Variants in OPHN1 observed in about 807,000 individuals in gnomAD.
OPHN1 encodes oligophrenin 1, also known as oligophrenin-1.
Under a neutral mutation model 60.7 loss-of-function variants are expected in OPHN1, and 11 were observed. The ratio of observed to expected loss-of-function variants is 0.18; its 90% CI spans 0.11 to 0.30. OPHN1 has a LOEUF of 0.30. Ranked by LOEUF, OPHN1 falls within the 10% of genes least tolerant of loss-of-function variation. The pLI is 1.00. For missense variants in OPHN1, 449 were observed against 611.0 expected (o/e 0.73, Z 2.80); for synonymous variants, 226 against 222.6 (o/e 1.02, Z -0.14).
intron 19 of OPHN1, among the ~76,000 whole-genome samples, chrX:68,082,994 C>A (rs1353640662): frequency 9.8e-6 from 1 of 101,740 alleles, no homozygotes; most frequent in Non-Finnish European, 2.0e-5. Context: ...TCACCTTGCA[C>A]TTTTATGTCA....
intron 15 of OPHN1, among the ~76,000 whole-genome samples, chrX:68,176,588 A>G (rs957773938): frequency 1.8e-5 from 2 of 111,870 alleles, no homozygotes; most frequent in African/African-American, 6.5e-5. Flanking sequence ...TGTTGGTGGC[A>G]ATGTGAAATG....
chrX:68,136,760 A>C (rs2077222461), intron 15 of OPHN1, among the ~76,000 whole-genome samples: 1 of 112,316 alleles, frequency 8.9e-6, no homozygotes, highest in Non-Finnish European at 1.9e-5. Context: ...CAAAGTGCTT[A>C]TTATAAACCA....
chrX:68,345,920 A>G (rs888644233), intron 2 of OPHN1, among the ~76,000 whole-genome samples: 2 of 112,219 alleles, frequency 1.8e-5, no homozygotes. Flanking sequence ...TGAGTCCAGG[A>G]GTTTGAGACC....
At chrX:68,186,445 T>C (rs753634852) in intron 15 of OPHN1, among the ~76,000 whole-genome samples, 1 of 107,185 alleles carries the variant, frequency 9.3e-6, no homozygotes, top group Non-Finnish European at 1.9e-5. Context: ...AAACTGGCTC[T>C]GGGATACAGC....
chrX:68,087,674 G>T (rs1218559619), intron 19 of OPHN1, among the ~76,000 whole-genome samples: 2 of 111,800 alleles, frequency 1.8e-5, no homozygotes, highest in Non-Finnish European at 3.8e-5. Flanking sequence ...ATATCAGATT[G>T]TACAAAAAAA....
intron 6 of OPHN1, among the ~76,000 whole-genome samples, chrX:68,220,737 C>T (rs1490842874): frequency 4.7e-5 from 4 of 85,071 alleles, no homozygotes; most frequent in Non-Finnish European, 7.1e-5. Context: ...AACAACCCTT[C>T]ATGCTAAAAA....
intron 21 of OPHN1, among the ~76,000 whole-genome samples, chrX:68,056,167 T>C (rs1253197967): frequency 9.0e-6 from 1 of 111,443 alleles, no homozygotes; most frequent in Non-Finnish European, 1.9e-5. Flanking sequence ...AGATGACCTA[T>C]AGACAATGCC....
At chrX:68,114,247 T>G (rs1056447622) in intron 16 of OPHN1, among the ~76,000 whole-genome samples, 3 of 111,337 alleles carry the variant, frequency 2.7e-5, no homozygotes, top group Non-Finnish European at 5.7e-5. Flanking sequence ...TTACATGTAT[T>G]AACCCATTTA....
intron 6 of OPHN1, among the ~76,000 whole-genome samples, chrX:68,217,285 C>T (rs1428583350): frequency 1.8e-5 from 2 of 112,074 alleles, no homozygotes; most frequent in Non-Finnish European, 3.8e-5. Context: ...CCTACGCCCA[C>T]GCAGTCTCGC....
intron 2 of OPHN1, among the ~76,000 whole-genome samples, chrX:68,386,748 G>A (rs758502691): frequency 7.1e-5 from 8 of 112,170 alleles, no homozygotes; most frequent in Middle Eastern, 4.6e-3. Context: ...ACTAATATCC[G>A]TATTTGGCTC....
chrX:68,394,407 C>T (rs1224937090), intron 2 of OPHN1, among the ~76,000 whole-genome samples: 1 of 111,554 alleles, frequency 9.0e-6, no homozygotes, highest in Non-Finnish European at 1.9e-5. Context: ...AATTACTCTC[C>T]ATTGACTAAT....
At chrX:68,322,162 G>C (rs1406828730) in intron 2 of OPHN1, among the ~76,000 whole-genome samples, 1 of 109,472 alleles carries the variant, frequency 9.1e-6, no homozygotes, top group Non-Finnish European at 1.9e-5. Flanking sequence ...TGTAGAGATG[G>C]GGTTTCGCCA....
intron 2 of OPHN1, among the ~76,000 whole-genome samples, chrX:68,357,587 A>C (rs61521690): frequency 0.011 from 1,217 of 110,747 alleles, 18 homozygotes; most frequent in African/African-American, 0.038. Context: ...TGAACTCATC[A>C]TTTTTTATGG....
chrX:68,142,662 T>C (rs754933934), intron 15 of OPHN1, among the ~76,000 whole-genome samples: 1 of 112,345 alleles, frequency 8.9e-6, no homozygotes, highest in Non-Finnish European at 1.9e-5. Context: ...CTCTGGGATG[T>C]TGACACAGGT....
chrX:68,381,293 CAACT>C (rs1254952213), intron 2 of OPHN1, among the ~76,000 whole-genome samples: 2 of 111,641 alleles, frequency 1.8e-5, no homozygotes, highest in African/African-American at 3.3e-5. Flanking sequence ...TCTGATCATA[CAACT>C]AACTTATTTG....
At chrX:68,279,101 CTTTTTTTTTTTTTTTTTTTTTTT>C (rs984725368) in intron 4 of OPHN1, among the ~76,000 whole-genome samples, 3 of 21,785 alleles carry the variant, frequency 1.4e-4, no homozygotes, top group Non-Finnish European at 2.2e-4. Flanking sequence ...CTCCCCCGCT[CTTTTTTTTTTTTTTTTTTTTTTT>C]TTTTTTTTTT....
At chrX:68,190,835 T>G (rs2077484929) in intron 15 of OPHN1, among the ~76,000 whole-genome samples, 1 of 112,375 alleles carries the variant, frequency 8.9e-6, no homozygotes, top group Non-Finnish European at 1.9e-5. Context: ...TGAAAAAGTG[T>G]CCTTAGCTAA....
At chrX:68,236,263 G>A (rs185560338) in intron 5 of OPHN1, among the ~76,000 whole-genome samples, 3 of 111,813 alleles carry the variant, frequency 2.7e-5, no homozygotes, top group African/African-American at 9.7e-5. Flanking sequence ...TGTTCCTCCA[G>A]CTGTTGAATC....
At chrX:68,242,247 G>A in intron 5 of OPHN1, among the ~76,000 whole-genome samples, 1 of 104,631 alleles carries the variant, frequency 9.6e-6, no homozygotes, top group Non-Finnish European at 1.9e-5. Context: ...GCTGGATGCA[G>A]TAGCACATGC....
Sources: allele counts gnomAD v4.1 joint callset (sites outside exome capture counted in the v4.1 genomes callset), GRCh38; gene constraint gnomAD v4.1.1; transcripts MANE v1.5; gene names NCBI Gene and HGNC (gene_info 2026-07-23, HGNC 2026-07-21).